The following ADGRL2 variants were observed in gnomAD, a reference collection of about 807,000 sequenced individuals.
ADGRL2 encodes the protein calcium-independent alpha-latrotoxin receptor 2.
In ADGRL2, 44 loss-of-function variants were observed where a neutral mutation model predicts 157.4. The ratio of observed to expected loss-of-function variants is 0.28; its 90% CI spans 0.22 to 0.36. The LOEUF is 0.36. ADGRL2 is among the 10% of genes least tolerant of loss of function. The pLI is 1.00. For missense variants in ADGRL2, 1,510 were observed against 1,768.9 expected, an observed-to-expected ratio of 0.85 and a Z score of 2.63; for synonymous variants, 585 against 624.7, an observed-to-expected ratio of 0.94 and a Z score of 0.95.
At chr1:81,480,672 G>A (rs1423221638) in intron 2 of ADGRL2, among the ~76,000 whole-genome samples, 4 of 152,124 alleles carry the variant, frequency 2.6e-5, no homozygotes, top group Non-Finnish European at 5.9e-5. Context: ...ATATGAGCTA[G>A]CATTCACTTA....
intron 2 of ADGRL2, among the ~76,000 whole-genome samples, chr1:81,485,873 T>A (rs1237357994): frequency 6.6e-6 from 1 of 151,914 alleles, no homozygotes; most frequent in East Asian, 1.9e-4. Flanking sequence ...TCAAAGACCA[T>A]CAGCACAGAA....
At chr1:81,588,479 G>T (rs2081070051) in intron 3 of ADGRL2, 2 of 152,140 alleles carry the variant, frequency 1.3e-5, no homozygotes, top group African/African-American at 4.8e-5. Flanking sequence ...TCAAACTGTA[G>T]CTTCCACTGC....
intron 3 of ADGRL2, among the ~76,000 whole-genome samples, chr1:81,617,745 G>A (rs185554723): frequency 2.6e-5 from 4 of 152,268 alleles, no homozygotes; most frequent in East Asian, 3.9e-4. Flanking sequence ...TTTAAATGGC[G>A]TTTTTCCATT....
intron 1 of ADGRL2, among the ~76,000 whole-genome samples, chr1:81,437,048 A>T (rs2077422328): frequency 6.6e-6 from 1 of 152,234 alleles, no homozygotes; most frequent in Non-Finnish European, 1.5e-5. Context: ...ATTTGTAGTA[A>T]TGATAACTAA....
At chr1:81,746,733 A>C (rs1299054039) in intron 1 of ADGRL2, among the ~76,000 whole-genome samples, 1 of 151,962 alleles carries the variant, frequency 6.6e-6, no homozygotes, top group African/African-American at 2.4e-5. Flanking sequence ...TAATTACTAA[A>C]ACAATATTAT....
intron 1 of ADGRL2, among the ~76,000 whole-genome samples, chr1:81,725,539 AAAATAAAT>A (rs369835378): frequency 4.5e-4 from 68 of 151,562 alleles, no homozygotes; most frequent in African/African-American, 1.4e-3. Flanking sequence ...ACTCTGTCTC[AAAATAAAT>A]AAATAAATAA....
chr1:81,503,349 G>A, intron 2 of ADGRL2: 4 of 1,614,038 alleles, frequency 2.5e-6, no homozygotes, highest in Non-Finnish European at 3.4e-6. Context: ...TCATCACGGG[G>A]TCTGCTCCCC....
chr1:81,561,726 C>T (rs1284262308), intron 2 of ADGRL2, among the ~76,000 whole-genome samples: 3 of 152,088 alleles, frequency 2.0e-5, no homozygotes, highest in Non-Finnish European at 4.4e-5. Context: ...TCCCAAAGTG[C>T]TAGGATTATA....
intron 1 of ADGRL2, among the ~76,000 whole-genome samples, chr1:81,409,740 A>G (rs983212268): frequency 2.0e-5 from 3 of 152,222 alleles, no homozygotes; most frequent in Admixed American, 2.0e-4. Flanking sequence ...TTGTAAATCC[A>G]TGCAAACAAA....
intron 2 of ADGRL2, among the ~76,000 whole-genome samples, chr1:81,517,851 G>A (rs1424766361): frequency 6.6e-6 from 1 of 152,170 alleles, no homozygotes; most frequent in Non-Finnish European, 1.5e-5. Flanking sequence ...AGCTAGCATA[G>A]TTAGAGGGGC....
intron 14 of ADGRL2, 51 bp from the exon 15 acceptor site, chr1:81,969,127 A>G: frequency 7.8e-7 from 1 of 1,289,180 alleles, no homozygotes; most frequent in South Asian, 1.2e-5. Flanking sequence ...TCTTTCTTCT[A>G]GTTGATGTAA....
upstream of ADGRL2, among the ~76,000 whole-genome samples, chr1:81,696,384 A>G (rs567981520): frequency 1.7e-4 from 26 of 152,312 alleles, no homozygotes; most frequent in African/African-American, 6.3e-4. Flanking sequence ...CAGGAAAGAA[A>G]GAACTTCGGA....
At chr1:81,564,044 G>T (rs1473980732) in intron 2 of ADGRL2, among the ~76,000 whole-genome samples, 2 of 152,104 alleles carry the variant, frequency 1.3e-5, no homozygotes, top group East Asian at 3.9e-4. Flanking sequence ...GTAGTAAATG[G>T]CAAATCCACA....
rs184033154 is a variant in ADGRL2, at chr1:81,444,250, A to G, written c.-301-786A>G. ...TAAACCTTTCCTTATACTTTGGGAAAGAGCAATTGACTACTGAAAAAGAGT... is the reference window on the plus strand; with the variant it reads ...TAAACCTTTCCTTATACTTTGGGAAGGAGCAATTGACTACTGAAAAAGAGT... On this transcript the variant is annotated intron_variant, in intron 1 of 24. Transcript: ENST00000370721. Among the ~76,000 whole-genome samples, 31 of 152,380 alleles carry G rather than the reference A, an allele frequency of 2.0e-4. No homozygotes were observed. In the East Asian group the frequency reaches 4.4e-3, roughly 22 times the overall value.
At position 81,921,616 on chromosome 1, in the gene ADGRL2, G is replaced by C. The variant is rs116498366; in HGVS notation, c.287+14386G>C. Among the ~76,000 whole-genome samples the C allele has an allele frequency of 7.8e-3, 1,193 of 152,288 alleles. 20 individuals carry two copies. Among genetic ancestry groups the C allele is most frequent in the African/African-American group, 0.027 (1,139 of 41,570 alleles). On this transcript the variant is annotated intron_variant, in intron 3 of 23. Coordinates refer to ENST00000686636, the MANE Select transcript of ADGRL2 (RefSeq NM_001366006.2). ...GGTGTTAGTGATAGTTAAAGCACTT[G>C]AGTCTAACATTTTATAGATTTTGAT...
intron 1 of ADGRL2, among the ~76,000 whole-genome samples, chr1:81,830,661 C>T (rs1427946424): frequency 6.6e-6 from 1 of 152,134 alleles, no homozygotes. Flanking sequence ...GTGCCCGCCA[C>T]CACGCCTGGC....
At chr1:81,659,991 A>G (rs992704241) in intron 3 of ADGRL2, among the ~76,000 whole-genome samples, 7 of 152,138 alleles carry the variant, frequency 4.6e-5, no homozygotes, top group Non-Finnish European at 1.0e-4. Flanking sequence ...TCGCCCCCCA[A>G]ATGCCAAATT....
rs1557615004 is a variant in ADGRL2, at chr1:81,746,839, T to TGTATATACACACGTGCACACGTATACAC, written c.-142-14918_-142-14891dup. 1.4e-4 allele frequency among the ~76,000 whole-genome samples: 20 copies of TGTATATACACACGTGCACACGTATACAC among 142,344 alleles called. No homozygotes were observed. The East Asian group carries it at 3.5e-3, about 25-fold the overall frequency. The allele number at this position is 142,344 out of a possible 152,430, so 93.4% of individuals were successfully genotyped here. On this transcript the variant is annotated intron_variant, in intron 1 of 20. Transcript: ENST00000359929. The stretch of plus-strand genomic sequence containing the variant: ...TACTAATTCAAATTATATATATACA[T>TGTATATACACACGTGCACACGTATACAC]GTATATACACACGTGCACACGTATA...
chr1:81,343,313 C>T (rs1662222972), intron 1 of ADGRL2, among the ~76,000 whole-genome samples: 1 of 152,002 alleles, frequency 6.6e-6, no homozygotes, highest in Non-Finnish European at 1.5e-5. Flanking sequence ...TGGTCTTGAA[C>T]TCCTGAACTC....
Sources: allele counts gnomAD v4.1 joint callset (sites outside exome capture counted in the v4.1 genomes callset), GRCh38; gene constraint gnomAD v4.1.1; transcripts MANE v1.5; gene names NCBI Gene and HGNC (gene_info 2026-07-23, HGNC 2026-07-21).